PSMD14: variants seen among roughly 807,000 people sequenced by gnomAD.
The protein encoded by PSMD14 is ubiquitin C-terminal hydrolase PSMD14.
A neutral mutation model predicts 41.2 loss-of-function variants in PSMD14; 7 were observed. The observed-to-expected ratio is 0.17, with a 90% confidence interval of 0.10 to 0.32. The LOEUF (loss-of-function observed/expected upper bound fraction) is 0.32, where lower values mean the gene tolerates loss of function less well. Ranked by LOEUF, PSMD14 falls within the 10% of genes least tolerant of loss-of-function variation. The pLI is 1.00. For synonymous variants in PSMD14, 114 were observed against 122.3 expected (o/e 0.93, Z 0.45); for missense variants, 139 against 375.6 (o/e 0.37, Z 5.21).
intron 1 of PSMD14, among the ~76,000 whole-genome samples, chr2:161,315,966 T>C (rs1056255445): frequency 6.6e-6 from 1 of 151,602 alleles, no homozygotes; most frequent in East Asian, 1.9e-4. Context: ...CTCAGCCACC[T>C]GAGTAGCTGG....
intron 10 of PSMD14, among the ~76,000 whole-genome samples, chr2:161,403,493 C>T (rs1249457502): frequency 3.3e-5 from 5 of 152,092 alleles, no homozygotes; most frequent in African/African-American, 4.8e-5. Context: ...GTGATTGAAT[C>T]GTACACTTTA....
At chr2:161,386,593 A>G (rs1448023226) in intron 8 of PSMD14, among the ~76,000 whole-genome samples, 1 of 151,926 alleles carries the variant, frequency 6.6e-6, no homozygotes, top group Non-Finnish European at 1.5e-5. Context: ...GGAAAACTGC[A>G]AAGTATAATG....
intron 10 of PSMD14, 75 bp from the exon 11 acceptor site, chr2:161,408,762 A>G: frequency 8.9e-7 from 1 of 1,119,302 alleles, no homozygotes; most frequent in Non-Finnish European, 1.3e-6. Context: ...GGTCATCATT[A>G]TTTTTGGTGA....
intron 3 of PSMD14, among the ~76,000 whole-genome samples, chr2:161,357,795 G>A (rs1683228072): frequency 6.6e-6 from 1 of 152,004 alleles, no homozygotes; most frequent in South Asian, 2.1e-4. Flanking sequence ...TGTAGCTTAA[G>A]TACCTCTTTA....
chr2:161,351,041 T>A (rs1376881166), intron 3 of PSMD14, among the ~76,000 whole-genome samples: 5 of 152,244 alleles, frequency 3.3e-5, no homozygotes, highest in South Asian at 2.1e-4. Flanking sequence ...ATTCTGTAGT[T>A]CTTTTTAAAA....
intron 7 of PSMD14, among the ~76,000 whole-genome samples, chr2:161,376,106 CAT>C (rs747297170): frequency 1.6e-4 from 23 of 146,414 alleles, no homozygotes; most frequent in Non-Finnish European, 1.8e-4. Context: ...TATATATATA[CAT>C]ATATATATAT....
chr2:161,393,446 T>G (rs1683742029), intron 9 of PSMD14, among the ~76,000 whole-genome samples: 1 of 152,192 alleles, frequency 6.6e-6, no homozygotes. Context: ...ATTAGTGTCC[T>G]TGGAGCCAAA....
chr2:161,389,247 G>C (rs1683674208), intron 8 of PSMD14, among the ~76,000 whole-genome samples: 1 of 152,114 alleles, frequency 6.6e-6, no homozygotes, highest in Non-Finnish European at 1.5e-5. Context: ...CACCATGTAG[G>C]GTTGTGCAAG....
chr2:161,407,364 A>C (rs570238514), intron 10 of PSMD14, among the ~76,000 whole-genome samples: 1 of 152,216 alleles, frequency 6.6e-6, no homozygotes, highest in South Asian at 2.1e-4. Context: ...CATGTTATTA[A>C]CTTTTTCTTC....
At chr2:161,360,103 G>A (rs1574129455) in intron 3 of PSMD14, among the ~76,000 whole-genome samples, 1 of 151,926 alleles carries the variant, frequency 6.6e-6, no homozygotes, top group South Asian at 2.1e-4. Context: ...TCTCTGATAG[G>A]ACTATGTGGC....
At chr2:161,314,759 C>T (rs979255623) in intron 1 of PSMD14, among the ~76,000 whole-genome samples, 24 of 152,174 alleles carry the variant, frequency 1.6e-4, no homozygotes, top group Non-Finnish European at 3.4e-4. Flanking sequence ...TTTCATATTA[C>T]AATATTCCTA....
In PSMD14 at chr2:161,411,419, T is replaced by C; in HGVS notation, c.*19T>C. 2 of 1,521,602 alleles carry C rather than the reference T, an allele frequency of 1.3e-6. No individual in the cohort carries two copies. Among genetic ancestry groups the C allele is most frequent in the Non-Finnish European group, 1.8e-6 (2 of 1,102,914 alleles). 94.3% of individuals were successfully genotyped at this position (1,521,602 alleles called of 1,614,324 possible). On this transcript the variant is annotated 3_prime_UTR_variant, in exon 12 of 12. Coordinates refer to ENST00000409682, the MANE Select transcript of PSMD14 (RefSeq NM_005805.6). ...TAAATAAAGCAACGAAAAACGCTAT[T>C]AATGATGCCTTCAGTGTATATTCCT... is the stretch of plus-strand genomic sequence containing the variant.
intron 3 of PSMD14, among the ~76,000 whole-genome samples, chr2:161,324,977 C>G (rs1207838106): frequency 6.6e-6 from 1 of 152,084 alleles, no homozygotes; most frequent in Admixed American, 6.5e-5. Context: ...GATGATTGAG[C>G]CTCTTTTAGC....
chr2:161,362,492 G>C (rs1352811323), intron 3 of PSMD14, among the ~76,000 whole-genome samples: 1 of 152,112 alleles, frequency 6.6e-6, no homozygotes, highest in African/African-American at 2.4e-5. Context: ...ATTTATTTGA[G>C]GAGTGGGATG....
intron 1 of PSMD14, among the ~76,000 whole-genome samples, chr2:161,315,363 T>C (rs985025404): frequency 6.6e-6 from 1 of 152,256 alleles, no homozygotes; most frequent in Admixed American, 6.5e-5. Context: ...ATAATCTGTC[T>C]CCTTCCCATT....
chr2:161,352,046 T>C (rs1683125844), intron 3 of PSMD14, among the ~76,000 whole-genome samples: 1 of 152,186 alleles, frequency 6.6e-6, no homozygotes, highest in African/African-American at 2.4e-5. Flanking sequence ...AAATTGAAAT[T>C]ATAATAAACG....
intron 3 of PSMD14, among the ~76,000 whole-genome samples, chr2:161,323,990 CAG>C (rs759736042): frequency 5.3e-5 from 8 of 152,176 alleles, no homozygotes; most frequent in Non-Finnish European, 8.8e-5. Flanking sequence ...GCAGTGGAAA[CAG>C]AGCCCAAGAG....
chr2:161,382,382 C>T (rs977482357), intron 7 of PSMD14: 2 of 151,744 alleles, frequency 1.3e-5, no homozygotes, highest in African/African-American at 2.4e-5. Context: ...ATTTATTCAA[C>T]AAGAAAACAG....
intron 3 of PSMD14, among the ~76,000 whole-genome samples, chr2:161,364,313 A>G (rs927286258): frequency 2.6e-5 from 4 of 151,974 alleles, no homozygotes; most frequent in African/African-American, 9.7e-5. Flanking sequence ...GTTCCTCTCA[A>G]TGTCCAGCCA....
Sources: allele counts gnomAD v4.1 joint callset (sites outside exome capture counted in the v4.1 genomes callset), GRCh38; gene constraint gnomAD v4.1.1; transcripts MANE v1.5; gene names NCBI Gene and HGNC (gene_info 2026-07-23, HGNC 2026-07-21).